TAF5L: variants seen among roughly 807,000 people sequenced by gnomAD.
TAF5L encodes TAF5-like RNA polymerase II p300/CBP-associated factor-associated factor 65 kDa subunit 5L.
Under a neutral mutation model 51.3 loss-of-function variants are expected in TAF5L, and 7 were observed. That is an observed-to-expected ratio of 0.14 (90% CI 0.08 to 0.26). TAF5L has a LOEUF of 0.26. Among genes scored for constraint, TAF5L ranks in the 10% least tolerant of loss-of-function variants. The pLI is 1.00. For synonymous variants in TAF5L, 291 were observed against 308.1 expected (o/e 0.94, Z 0.58); for missense variants, 575 against 758.9 (o/e 0.76, Z 2.85).
chr1:229,603,935 G>A (rs1664486471), intron 3 of TAF5L, among the ~76,000 whole-genome samples: 1 of 152,240 alleles, frequency 6.6e-6, no homozygotes, highest in African/African-American at 2.4e-5. Context: ...CACCAGTGCT[G>A]TCCAGATGCC....
At chr1:229,604,434 C>T (rs12756465) in intron 3 of TAF5L, among the ~76,000 whole-genome samples, 14,731 of 152,150 alleles carry the variant, frequency 0.097, 954 homozygotes, top group Non-Finnish European at 0.14. Flanking sequence ...TTAAGACAGC[C>T]ACCCAGCCAC....
At chr1:229,623,602 C>A (rs1665305447) in intron 1 of TAF5L, among the ~76,000 whole-genome samples, 1 of 152,200 alleles carries the variant, frequency 6.6e-6, no homozygotes, top group Non-Finnish European at 1.5e-5. Flanking sequence ...AACCCAGGAA[C>A]AAATCTGTCA....
intron 1 of TAF5L, among the ~76,000 whole-genome samples, chr1:229,614,759 T>C (rs1450216476): frequency 6.6e-6 from 1 of 152,190 alleles, no homozygotes; most frequent in East Asian, 1.9e-4. Context: ...CCAAACTCTG[T>C]TTAATACCAA....
rs749696767 is a variant in TAF5L, at chr1:229,602,229, C to T, written c.938G>A (p.Arg313His). Residue 313 changes from arginine to histidine, a missense_variant, in exon 4 of 5, where the codon CGC (arginine) becomes CAC (histidine). Coordinates refer to ENST00000258281, the Ensembl canonical transcript of TAF5L. This position sits in a 1 kb window ranked among gnomAD's most constrained non-coding sequence, Gnocchi z 4.6. Reference sequence around the variant, plus strand: ...CAGAATATCACAAGCCAAATGGATGCGGGACACGTCTACTTGGTGGGGCTC... The same window carrying T: ...CAGAATATCACAAGCCAAATGGATGTGGGACACGTCTACTTGGTGGGGCTC... 1.8e-5 allele frequency: 29 copies of T among 1,613,780 alleles called. No homozygotes were observed. The highest frequency in any genetic ancestry group is 1.6e-4 in the Middle Eastern group (1 of 6,078).
intron 1 of TAF5L, among the ~76,000 whole-genome samples, chr1:229,619,377 G>GT (rs1665123331): frequency 6.6e-6 from 1 of 152,176 alleles, no homozygotes. Flanking sequence ...TAGAAGCTGT[G>GT]TTTTTTCCCA....
chr1:229,612,357 A>G (rs555257643), intron 2 of TAF5L, among the ~76,000 whole-genome samples: 15 of 152,312 alleles, frequency 9.8e-5, no homozygotes, highest in East Asian at 7.7e-4. Context: ...TCTATCAACA[A>G]CAGCAAGAAT....
At chr1:229,600,481 C>CGTG (rs1664330414) in intron 4 of TAF5L, 1 of 985,292 alleles carries the variant, frequency 1.0e-6, no homozygotes, top group Non-Finnish European at 1.2e-6. Context: ...GAAACACAAA[C>CGTG]GTCACCCTTG....
chr1:229,604,409 C>T (rs1175862019), intron 3 of TAF5L, among the ~76,000 whole-genome samples: 1 of 152,116 alleles, frequency 6.6e-6, no homozygotes, highest in African/African-American at 2.4e-5. Flanking sequence ...TACAATCATT[C>T]CACTGAACTG....
Position 229,604,173 on chromosome 1 carries a change from A to ATTT in TAF5L, c.248-1257_248-1255dup, listed in dbSNP as rs4006085. On this transcript the variant is annotated intron_variant, in intron 3 of 4. Coordinates refer to ENST00000258281, the Ensembl canonical transcript of TAF5L. ...AAGTCAGCACTTATGTTCTGGTAGC[A>ATTT]TTTTTTTTTTTTTTCATGAAAAGGC... Among the ~76,000 whole-genome samples, 190 of 144,968 alleles carry ATTT rather than the reference A, an allele frequency of 1.3e-3. 2 individuals carry two copies. The highest frequency in any genetic ancestry group is 0.013 in the South Asian group (60 of 4,608).
chr1:229,615,130 C>T (rs1405619643), intron 1 of TAF5L, among the ~76,000 whole-genome samples: 1 of 152,110 alleles, frequency 6.6e-6, no homozygotes, highest in Non-Finnish European at 1.5e-5. Context: ...CTCTGTCGCC[C>T]AGGCTGGAGT....
intron 1 of TAF5L, among the ~76,000 whole-genome samples, chr1:229,615,860 A>T (rs897845710): frequency 6.6e-6 from 1 of 152,190 alleles, no homozygotes; most frequent in African/African-American, 2.4e-5. Flanking sequence ...ATACACACAC[A>T]ATCATCCCAA....
At chr1:229,597,626 A>G (rs1365048850) in intron 4 of TAF5L, among the ~76,000 whole-genome samples, 1 of 152,232 alleles carries the variant, frequency 6.6e-6, no homozygotes. Context: ...CCGACAGGAT[A>G]ATACCATACC....
Position 229,602,921 on chromosome 1 carries a change from T to A in TAF5L, c.248-2A>T. 1 of 1,581,616 alleles carries A rather than the reference T, an allele frequency of 6.3e-7. No individual in the cohort carries two copies. On this transcript the variant is annotated splice_acceptor_variant, in intron 3 of 4. Coordinates refer to ENST00000258281, the Ensembl canonical transcript of TAF5L. LOFTEE classifies it high-confidence loss of function. The surrounding 1 kb of genome is among the most constrained non-coding windows in gnomAD (Gnocchi z 4.6). ...CGTGGCTATGCTGGGAATCAGAATC[T>A]ATAATGAAAGAAAAAGAAGGCTTTA...
Position 229,594,032 on chromosome 1 carries a change from G to T in TAF5L, c.*265C>A. ...AGGTGCTCGCATGCGCGAGGTCACG[G>T]CAGAGTCTCCATGAGGACTTGTGAG... On this transcript the variant is annotated 3_prime_UTR_variant, in exon 5 of 5. Transcript: ENST00000258281. The surrounding 1 kb of genome is among the most constrained non-coding windows in gnomAD (Gnocchi z 7.9). 2.5e-6 allele frequency: 1 copy of T among 406,522 alleles called. No individual in the cohort carries two copies. The allele number at this position is 406,522 out of a possible 1,614,324, so 25.2% of individuals were successfully genotyped here.
chr1:229,607,527 A>T (rs1664640740), intron 3 of TAF5L: 1 of 973,820 alleles, frequency 1.0e-6, no homozygotes. Flanking sequence ...CAGTCTACTG[A>T]AACTCAATCC....
At chr1:229,606,138 A>C (rs1664588883) in intron 3 of TAF5L, 2 of 985,312 alleles carry the variant, frequency 2.0e-6, no homozygotes, top group South Asian at 4.7e-5. Context: ...CTGTTGCTTC[A>C]GCTCATAGGT....
chr1:229,600,986 C>T (rs1664351895), intron 4 of TAF5L: 2 of 984,968 alleles, frequency 2.0e-6, no homozygotes, highest in African/African-American at 1.7e-5. Context: ...GAAGAACTCC[C>T]AAAAAGGGAA....
At chr1:229,626,015 C>T (rs1468601565) in exon 1 of TAF5L, 1 of 150,648 alleles carries the variant, frequency 6.6e-6, no homozygotes, top group East Asian at 2.0e-4. Context: ...CGCCCCGCGC[C>T]CCGCCGCCCC....
chr1:229,605,310 C>T lies in TAF5L; in HGVS notation c.248-2391G>A, dbSNP rs2151694. 3.1e-3 allele frequency among the ~76,000 whole-genome samples: 469 copies of T among 152,154 alleles called. 4 individuals are homozygous for T. Among genetic ancestry groups the T allele is most frequent in the African/African-American group, 0.011 (441 of 41,502 alleles). On this transcript the variant is annotated intron_variant, in intron 3 of 4. Transcript: ENST00000258281. Reference sequence around the variant, plus strand: ...TTAAGTATTGTTAACTTTACCTCACCGTATCAAAATTATGGAATATCACGG... The same window carrying T: ...TTAAGTATTGTTAACTTTACCTCACTGTATCAAAATTATGGAATATCACGG...
Sources: allele counts gnomAD v4.1 joint callset (sites outside exome capture counted in the v4.1 genomes callset), GRCh38; gene constraint gnomAD v4.1.1; non-coding constraint Gnocchi (gnomAD v3.1); transcripts MANE v1.5; gene names NCBI Gene and HGNC (gene_info 2026-07-23, HGNC 2026-07-21).